The following ATAD2 variants were observed in gnomAD, a reference collection of about 807,000 sequenced individuals.
ATAD2 encodes the protein ATPase family AAA domain-containing protein 2.
A neutral mutation model predicts 168.9 loss-of-function variants in ATAD2; 62 were observed. The observed-to-expected ratio is 0.37, with a 90% CI of 0.30 to 0.45. ATAD2 has a LOEUF of 0.45. Ranked by LOEUF, ATAD2 falls within the 20% of genes least tolerant of loss-of-function variation. The probability of loss-of-function intolerance (pLI) is 1.00; values close to 1 mark genes in which losing one functional copy is unlikely to be tolerated. For missense variants in ATAD2, 1,419 were observed against 1,667.8 expected (o/e 0.85, Z 2.60); for synonymous variants, 613 against 571.6 (o/e 1.07, Z -1.03).
rs1045408442 is a variant in ATAD2 at position 123,328,721 on chromosome 8, G to T, written c.3479-142C>A. The T allele has an allele frequency of 4.6e-6, 4 of 875,106 alleles. No homozygotes were observed. The Admixed American group carries it at 1.2e-4, about 26-fold the overall frequency. The allele number at this position is 875,106 out of a possible 1,614,324, so 54.2% of individuals were successfully genotyped here. On this transcript the variant is annotated intron_variant, in intron 24 of 27. Coordinates refer to ENST00000287394, the MANE Select transcript of ATAD2 (RefSeq NM_014109.4). ...TGATTAAAATACAGAAACAAGAATA[G>T]AGCATACTGTGAGAAGGTGGAGAAG...
At chr8:123,413,944 G>A (rs1813201206) in intron 1 of ATAD2, among the ~76,000 whole-genome samples, 1 of 151,754 alleles carries the variant, frequency 6.6e-6, no homozygotes. Flanking sequence ...TTGAGGTCAG[G>A]AATTTGAGAC....
At chr8:123,322,063 C>G (rs1454555355) in intron 27 of ATAD2, among the ~76,000 whole-genome samples, 2 of 149,472 alleles carry the variant, frequency 1.3e-5, no homozygotes, top group African/African-American at 5.0e-5. Context: ...TCTTGGCTCA[C>G]TGCAACCTCT....
chr8:123,389,986 T>TATATATATATATATATATATATATA (rs58743148), intron 1 of ATAD2, among the ~76,000 whole-genome samples: 27 of 67,624 alleles, frequency 4.0e-4, no homozygotes, highest in Non-Finnish European at 6.4e-4. Flanking sequence ...ATATATATAT[T>TATATATATATATATATATATATATA]TTTTTTTTTT....
At chr8:123,368,581 A>G (rs1299689015) in intron 8 of ATAD2, among the ~76,000 whole-genome samples, 2 of 152,250 alleles carry the variant, frequency 1.3e-5, no homozygotes, top group African/African-American at 2.4e-5. Flanking sequence ...GAAGAGGAAT[A>G]AATTATAAAA....
intron 24 of ATAD2, among the ~76,000 whole-genome samples, chr8:123,330,111 C>A (rs1450491016): frequency 6.6e-6 from 1 of 150,980 alleles, no homozygotes; most frequent in Non-Finnish European, 1.5e-5. Context: ...ACCTCAGTCT[C>A]CCAAGAAGGT....
At position 123,328,304 on chromosome 8, in the gene ATAD2, G is replaced by A. The variant is rs768030423; in HGVS notation, c.3754C>T (p.Leu1252Phe). Residue 1252 changes from leucine (L) to phenylalanine (F), a missense_variant, in exon 25 of 28, where the codon CTT (leucine) becomes TTT (phenylalanine). Transcript: ENST00000287394. Reference sequence around the variant, plus strand: ...GCTGTAGTCTTCCTAGAGTCTTCAAGCTCATTCTCTATATTACAAGTATTT... The same window carrying A: ...GCTGTAGTCTTCCTAGAGTCTTCAAACTCATTCTCTATATTACAAGTATTT... ...NSNTCNIENE[L>F]EDSRKTTACT... 8 of 1,603,586 alleles carry A rather than the reference G, an allele frequency of 5.0e-6. 1 individual carries two copies. The South Asian group carries it at 9.2e-5, about 18-fold the overall frequency.
intron 25 of ATAD2, among the ~76,000 whole-genome samples, chr8:123,327,323 A>G (rs970623789): frequency 6.6e-6 from 1 of 152,240 alleles, no homozygotes; most frequent in South Asian, 2.1e-4. Flanking sequence ...TTTTAAAAAG[A>G]AAATGATAAA....
chr8:123,322,234 C>T (rs142634464), intron 27 of ATAD2, among the ~76,000 whole-genome samples: 323 of 152,270 alleles, frequency 2.1e-3, no homozygotes, highest in African/African-American at 6.5e-3. Context: ...GCAATCCACC[C>T]GCCTTGGCTT....
rs989458340 is a variant in ATAD2 at position 123,347,379 on chromosome 8, A to G, written c.1925T>C (p.Ile642Thr). Residue 642 changes from isoleucine (I) to threonine (T), a missense_variant, in exon 16 of 28, where the codon ATA (isoleucine) becomes ACA (threonine). By Grantham distance (89) the Ile-to-Thr change is moderately conservative. Coordinates refer to ENST00000287394, the MANE Select transcript of ATAD2 (RefSeq NM_014109.4). ...VGYCGADIKS[I>T]CAEAALCALR... ...AGCACATAAAGCAGCTTCAGCACAT[A>G]TTGATTTAATATCTGCTCCACAGTA... 4.3e-6 allele frequency: 7 copies of G among 1,613,014 alleles called. No homozygotes were observed. Among genetic ancestry groups the G allele is most frequent in the African/African-American group, 1.3e-5 (1 of 74,898 alleles).
At chr8:123,358,723 C>CTTTTT (rs772822406) in intron 11 of ATAD2, among the ~76,000 whole-genome samples, 49 of 76,812 alleles carry the variant, frequency 6.4e-4, no homozygotes, top group Non-Finnish European at 9.1e-4. Context: ...TGGTACATTA[C>CTTTTT]TTTTTTTTTT....
intron 1 of ATAD2, among the ~76,000 whole-genome samples, chr8:123,413,225 C>G (rs1221197884): frequency 5.1e-4 from 2 of 3,952 alleles, no homozygotes; most frequent in African/African-American, 2.9e-3. Context: ...CTAATGAGCG[C>G]CCCCCCCCCC....
At chr8:123,340,718 T>A (rs1002466823) in intron 19 of ATAD2, among the ~76,000 whole-genome samples, 2 of 152,144 alleles carry the variant, frequency 1.3e-5, no homozygotes, top group African/African-American at 4.8e-5. Context: ...CAAATACATA[T>A]TCAAATTATA....
chr8:123,344,797 G>T, intron 19 of ATAD2, 87 bp downstream of exon 19: 2 of 1,405,276 alleles, frequency 1.4e-6, no homozygotes, highest in Non-Finnish European at 2.0e-6. Context: ...CACTTCTACA[G>T]CATTTGAATT....
At chr8:123,338,792 C>T (rs774283236) in intron 20 of ATAD2, among the ~76,000 whole-genome samples, 8 of 151,986 alleles carry the variant, frequency 5.3e-5, no homozygotes, top group African/African-American at 9.7e-5. Flanking sequence ...CTAGCTACTT[C>T]GGAGGCTGAG....
chr8:123,386,597 T>C (rs1464063339), intron 1 of ATAD2, among the ~76,000 whole-genome samples: 1 of 152,096 alleles, frequency 6.6e-6, no homozygotes, highest in Non-Finnish European at 1.5e-5. Flanking sequence ...GTGATGATGG[T>C]TGCAGAACAA....
In ATAD2 at chr8:123,366,783, A is replaced by G. The variant is rs145996573; in HGVS notation, c.1049+2275T>C. 3.1e-3 allele frequency among the ~76,000 whole-genome samples: 474 copies of G among 152,244 alleles called. 1 individual carries two copies. The highest frequency in any genetic ancestry group is 5.2e-3 in the Non-Finnish European group (353 of 68,004). On this transcript the variant is annotated intron_variant, in intron 8 of 27. Transcript: ENST00000287394. ...GATAAAAGACAACAAGTTGTGTTCAATGTATACTGCTTGGGTGATGGGTTC... is the reference window on the plus strand; with the variant it reads ...GATAAAAGACAACAAGTTGTGTTCAGTGTATACTGCTTGGGTGATGGGTTC...
At chr8:123,398,822 T>C (rs1812960640), upstream of ATAD2, among the ~76,000 whole-genome samples, 1 of 152,214 alleles carries the variant, frequency 6.6e-6, no homozygotes, top group African/African-American at 2.4e-5. Context: ...TGATTTTTCT[T>C]GCATGAATAT....
At chr8:123,389,540 T>C (rs985328388) in intron 1 of ATAD2, among the ~76,000 whole-genome samples, 22 of 151,502 alleles carry the variant, frequency 1.5e-4, no homozygotes, top group Admixed American at 1.1e-3. Context: ...CTCAGGAGGC[T>C]GAGGCAGGAG....
chr8:123,353,174 G>A (rs1828528410), intron 13 of ATAD2, among the ~76,000 whole-genome samples: 2 of 152,066 alleles, frequency 1.3e-5, no homozygotes, highest in Admixed American at 1.3e-4. Flanking sequence ...GACCAGCTTG[G>A]CCAAAATGGC....
Sources: gnomAD v4.1 joint callset for allele counts (sites outside exome capture counted in the v4.1 genomes callset) on GRCh38, gnomAD v4.1.1 for gene constraint, MANE v1.5 for transcripts, NCBI Gene and HGNC (gene_info 2026-07-23, HGNC 2026-07-21) for gene names.